RCAN2: variants seen among roughly 807,000 people sequenced by gnomAD.
RCAN2 encodes regulator of calcineurin 2, also known as calcipressin-2.
A neutral mutation model predicts 23.6 loss-of-function variants in RCAN2; 9 were observed. That is an observed-to-expected ratio of 0.38 (90% CI 0.23 to 0.67). RCAN2 has a LOEUF of 0.67. Ranked by LOEUF, RCAN2 falls within the 30% of genes least tolerant of loss-of-function variation. The pLI, the probability that RCAN2 is intolerant of heterozygous loss-of-function variation, is 0.51. For synonymous variants in RCAN2, 109 were observed against 115.7 expected, an observed-to-expected ratio of 0.94 and a Z score of 0.37; for missense variants, 273 against 302.3, an observed-to-expected ratio of 0.90 and a Z score of 0.72.
intron 2 of RCAN2, among the ~76,000 whole-genome samples, chr6:46,298,012 T>G (rs993020135): frequency 8.5e-5 from 13 of 152,080 alleles, no homozygotes. Context: ...AATATCAAAC[T>G]AGTTTGAAAG....
At chr6:46,310,996 TAAC>T (rs1763241546) in intron 2 of RCAN2, among the ~76,000 whole-genome samples, 2 of 152,324 alleles carry the variant, frequency 1.3e-5, no homozygotes, top group South Asian at 4.1e-4. Context: ...GAGGCAATAA[TAAC>T]AATAACAACC....
chr6:46,272,808 T>G (rs1005520402), intron 2 of RCAN2, among the ~76,000 whole-genome samples: 33 of 152,210 alleles, frequency 2.2e-4, no homozygotes, highest in Admixed American at 7.9e-4. Flanking sequence ...GTAAGTTCAT[T>G]TTATATTCAA....
chr6:46,283,189 C>T (rs1003419705), intron 2 of RCAN2, among the ~76,000 whole-genome samples: 3 of 152,148 alleles, frequency 2.0e-5, no homozygotes, highest in Non-Finnish European at 2.9e-5. Context: ...TGGCTCACAC[C>T]TGTAATCCCA....
intron 2 of RCAN2, among the ~76,000 whole-genome samples, chr6:46,422,736 T>C (rs1392740146): frequency 6.6e-6 from 1 of 152,164 alleles, no homozygotes. Flanking sequence ...ATTCTTGTTA[T>C]TTATATGCTG....
At chr6:46,317,501 G>A (rs752708756) in intron 2 of RCAN2, among the ~76,000 whole-genome samples, 6 of 151,508 alleles carry the variant, frequency 4.0e-5, no homozygotes, top group East Asian at 1.9e-4. Flanking sequence ...TCTCTCTGTC[G>A]CCCAGGCTGG....
intron 2 of RCAN2, among the ~76,000 whole-genome samples, chr6:46,445,008 G>C (rs1193145085): frequency 1.3e-5 from 2 of 152,164 alleles, no homozygotes; most frequent in Non-Finnish European, 2.9e-5. Flanking sequence ...AGTTGACACA[G>C]GGTCCAGGCC....
chr6:46,304,286 T>G (rs1440637358), intron 2 of RCAN2, among the ~76,000 whole-genome samples: 1 of 152,174 alleles, frequency 6.6e-6, no homozygotes, highest in Admixed American at 6.5e-5. Context: ...TTTCTCTTAC[T>G]GATTTTCATG....
At chr6:46,448,842 G>A (rs766297874) in intron 2 of RCAN2, among the ~76,000 whole-genome samples, 2 of 151,604 alleles carry the variant, frequency 1.3e-5, no homozygotes, top group Non-Finnish European at 3.0e-5. Context: ...TATAACAAAG[G>A]CCATATATAA....
intron 2 of RCAN2, among the ~76,000 whole-genome samples, chr6:46,269,868 C>A (rs371760233): frequency 8.1e-4 from 123 of 152,202 alleles, no homozygotes; most frequent in African/African-American, 2.5e-3. Flanking sequence ...TCACAGGCAC[C>A]CCCAGTTCAG....
At chr6:46,442,058 G>A (rs1257902378) in intron 2 of RCAN2, among the ~76,000 whole-genome samples, 2 of 152,178 alleles carry the variant, frequency 1.3e-5, no homozygotes, top group East Asian at 3.8e-4. Flanking sequence ...TTATCACCAA[G>A]TCAATCAAGA....
At chr6:46,384,123 T>G (rs1485042134) in intron 2 of RCAN2, among the ~76,000 whole-genome samples, 1 of 152,216 alleles carries the variant, frequency 6.6e-6, no homozygotes, top group East Asian at 1.9e-4. Context: ...TTGGTGGACC[T>G]CACTGCTGGG....
chr6:46,327,513 T>C (rs918905440), intron 2 of RCAN2, among the ~76,000 whole-genome samples: 1 of 152,118 alleles, frequency 6.6e-6, no homozygotes, highest in Non-Finnish European at 1.5e-5. Flanking sequence ...CTGGCCAACA[T>C]GAAGTACCAG....
intron 1 of RCAN2, among the ~76,000 whole-genome samples, chr6:46,490,778 A>G (rs60932290): frequency 6.6e-6 from 1 of 151,362 alleles, no homozygotes; most frequent in African/African-American, 2.4e-5. Context: ...TCTCTTCTAG[A>G]CCCTCTCTAA....
At chr6:46,273,189 TC>T (rs760887714) in intron 2 of RCAN2, among the ~76,000 whole-genome samples, 40 of 152,214 alleles carry the variant, frequency 2.6e-4, no homozygotes, top group Non-Finnish European at 5.0e-4. Flanking sequence ...CTAGTGCCCT[TC>T]CTGATGGACC....
intron 2 of RCAN2, among the ~76,000 whole-genome samples, chr6:46,422,778 G>C (rs1430214417): frequency 6.6e-6 from 1 of 152,186 alleles, no homozygotes; most frequent in Admixed American, 6.5e-5. Flanking sequence ...AGTTCAGGCT[G>C]GGTGCCTATC....
chr6:46,372,110 ATAAC>A (rs1765338699), intron 2 of RCAN2, among the ~76,000 whole-genome samples: 1 of 152,250 alleles, frequency 6.6e-6, no homozygotes, highest in Non-Finnish European at 1.5e-5. Context: ...TACATGGAAT[ATAAC>A]TAAAGGAAGA....
At chr6:46,237,219 C>G (rs963009859) in intron 4 of RCAN2, among the ~76,000 whole-genome samples, 1 of 152,166 alleles carries the variant, frequency 6.6e-6, no homozygotes, top group Non-Finnish European at 1.5e-5. Flanking sequence ...TCATGTATTC[C>G]TTCTGAACCT....
intron 2 of RCAN2, among the ~76,000 whole-genome samples, chr6:46,390,881 G>C (rs1430243110): frequency 1.3e-5 from 2 of 152,194 alleles, no homozygotes; most frequent in Non-Finnish European, 2.9e-5. Context: ...GTATGAGGTT[G>C]GGTGAGAAAA....
intron 2 of RCAN2, among the ~76,000 whole-genome samples, chr6:46,303,907 C>T (rs1762987334): frequency 6.6e-6 from 1 of 152,078 alleles, no homozygotes; most frequent in Admixed American, 6.6e-5. Context: ...AACAAGCCTG[C>T]TGTAAACATC....
Sources: gnomAD v4.1 joint callset for allele counts (sites outside exome capture counted in the v4.1 genomes callset) on GRCh38, gnomAD v4.1.1 for gene constraint, MANE v1.5 for transcripts, NCBI Gene and HGNC (gene_info 2026-07-23, HGNC 2026-07-21) for gene names.